The following TAS2R1 variants were observed in gnomAD, a reference collection of about 807,000 sequenced individuals.
The protein encoded by TAS2R1 is taste receptor type 2 member 1.
For missense variants in TAS2R1, 370 were observed against 353.4 expected (o/e 1.05, Z -0.38); for synonymous variants, 141 against 134.2 (o/e 1.05, Z -0.35).
chr5:9,643,407 A>G (rs1740124713), intron 2 of TAS2R1, among the ~76,000 whole-genome samples: 1 of 152,206 alleles, frequency 6.6e-6, no homozygotes, highest in Non-Finnish European at 1.5e-5. Flanking sequence ...TACAGTAAAA[A>G]TAGGGTACAA....
At chr5:9,829,927 C>T in the TAS2R1 span, among the ~76,000 whole-genome samples, 13 of 152,184 alleles carry the variant, frequency 8.5e-5, no homozygotes, top group African/African-American at 2.9e-4. Flanking sequence ...AGAGATACTG[C>T]CTAGTCATTC....
the TAS2R1 span, among the ~76,000 whole-genome samples, chr5:9,833,479 T>G: frequency 5.3e-5 from 8 of 152,166 alleles, no homozygotes; most frequent in African/African-American, 1.9e-4. Context: ...AAAGACAAAG[T>G]TAAGGCAAAA....
At chr5:9,886,737 G>A in the TAS2R1 span, among the ~76,000 whole-genome samples, 5 of 152,076 alleles carry the variant, frequency 3.3e-5, no homozygotes, top group South Asian at 1.0e-3. Flanking sequence ...AAAGTGGTGG[G>A]AGGAGAGTGA....
the TAS2R1 span, among the ~76,000 whole-genome samples, chr5:9,764,417 C>G: frequency 6.6e-6 from 1 of 152,156 alleles, no homozygotes; most frequent in Non-Finnish European, 1.5e-5. Flanking sequence ...TAATTTCTGG[C>G]TAGCATTTTC....
At chr5:9,850,925 G>A in the TAS2R1 span, among the ~76,000 whole-genome samples, 19 of 152,222 alleles carry the variant, frequency 1.2e-4, no homozygotes, top group African/African-American at 4.6e-4. Flanking sequence ...GTGGGAGGGG[G>A]AGAATGAGAA....
chr5:9,806,795 C>A, the TAS2R1 span, among the ~76,000 whole-genome samples: 2 of 152,112 alleles, frequency 1.3e-5, no homozygotes, highest in Admixed American at 1.3e-4. Flanking sequence ...CCATAACTTT[C>A]ATTTGAGAAG....
At chr5:9,712,188 G>A (rs1734695488) in exon 1 of TAS2R1, 2 of 152,144 alleles carry the variant, frequency 1.3e-5, no homozygotes, top group Non-Finnish European at 2.9e-5. Flanking sequence ...GGTCCCTTTA[G>A]GCATCAGTGT....
the TAS2R1 span, among the ~76,000 whole-genome samples, chr5:9,742,533 A>G: frequency 6.6e-6 from 1 of 152,326 alleles, no homozygotes; most frequent in East Asian, 1.9e-4. Flanking sequence ...AAAGGACAAA[A>G]TATCTTTGAA....
the TAS2R1 span, among the ~76,000 whole-genome samples, chr5:9,762,623 T>G: frequency 6.6e-6 from 1 of 152,208 alleles, no homozygotes; most frequent in Non-Finnish European, 1.5e-5. Context: ...TCTGCAATGA[T>G]CTGAATCTTT....
intron 1 of TAS2R1, among the ~76,000 whole-genome samples, chr5:9,706,626 A>T (rs1741618059): frequency 1.3e-5 from 2 of 152,374 alleles, no homozygotes; most frequent in South Asian, 4.1e-4. Flanking sequence ...AAAGAAGTTG[A>T]GTTGTACAGA....
At chr5:9,788,043 C>A in the TAS2R1 span, among the ~76,000 whole-genome samples, 1 of 152,170 alleles carries the variant, frequency 6.6e-6, no homozygotes, top group East Asian at 1.9e-4. Flanking sequence ...AACAGCCGCA[C>A]AAAGTGAGGT....
In TAS2R1 at chr5:9,630,064, T is replaced by C. The variant is rs143019194; in HGVS notation, c.-32A>G. ...AATAAAAAATTATTTACTTAAAAAA[T>C]AATGAAGTTATAAAGTTTTGGACAG... is the stretch of plus-strand genomic sequence containing the variant. On this transcript the variant is annotated 5_prime_UTR_variant, in exon 1 of 1. Coordinates refer to ENST00000382492, the MANE Select transcript of TAS2R1 (RefSeq NM_019599.3). 2,007 of 1,500,034 alleles carry C rather than the reference T, an allele frequency of 1.3e-3. 32 individuals are homozygous for C. In the African/African-American group the frequency reaches 0.026, roughly 20 times the overall value. The allele number at this position is 1,500,034 out of a possible 1,614,324, so 92.9% of individuals were successfully genotyped here.
the TAS2R1 span, among the ~76,000 whole-genome samples, chr5:9,794,261 G>C: frequency 2.0e-5 from 3 of 152,164 alleles, no homozygotes; most frequent in African/African-American, 7.2e-5. Flanking sequence ...AGTTTGCAAA[G>C]AGTCTTTGAA....
chr5:9,701,723 A>G lies in TAS2R1; in HGVS notation c.-242+10449T>C, dbSNP rs570224101. ...TATTGAACAATTTTCTCCAGTTCTT[A>G]TCATAACAGTTTTTCACATGTTCTA... On this transcript the variant is annotated intron_variant, in intron 1 of 2. Coordinates refer to the TAS2R1 transcript ENST00000506620. Among the ~76,000 whole-genome samples, 6 of 152,356 alleles carry G rather than the reference A, an allele frequency of 3.9e-5. No homozygotes were observed. The South Asian group carries it at 6.2e-4, about 16-fold the overall frequency.
At chr5:9,652,552 A>G (rs1234266008) in intron 2 of TAS2R1, among the ~76,000 whole-genome samples, 3 of 152,270 alleles carry the variant, frequency 2.0e-5, no homozygotes, top group African/African-American at 4.8e-5. Context: ...GAATAATGGG[A>G]TGGAGATTTA....
At chr5:9,804,806 A>C in the TAS2R1 span, among the ~76,000 whole-genome samples, 1 of 152,122 alleles carries the variant, frequency 6.6e-6, no homozygotes, top group African/African-American at 2.4e-5. Context: ...AAGCACAAAT[A>C]GACAATCTAA....
At chr5:9,690,825 C>T (rs1741234297) in intron 1 of TAS2R1, among the ~76,000 whole-genome samples, 2 of 152,112 alleles carry the variant, frequency 1.3e-5, no homozygotes, top group Non-Finnish European at 2.9e-5. Flanking sequence ...CTGAGCAAGG[C>T]ATCCTTTACC....
chr5:9,872,380 G>A, the TAS2R1 span, among the ~76,000 whole-genome samples: 1 of 152,146 alleles, frequency 6.6e-6, no homozygotes, highest in Non-Finnish European at 1.5e-5. Context: ...TGTAGCCACA[G>A]CTTCTAATTT....
chr5:9,709,265 C>G (rs1741684560), intron 1 of TAS2R1, among the ~76,000 whole-genome samples: 1 of 151,652 alleles, frequency 6.6e-6, no homozygotes, highest in Admixed American at 6.6e-5. Context: ...AGAAGTGGGT[C>G]ATTGTTTCAA....
Sources: gnomAD v4.1 joint callset for allele counts (sites outside exome capture counted in the v4.1 genomes callset) on GRCh38, gnomAD v4.1.1 for gene constraint, MANE v1.5 for transcripts, NCBI Gene and HGNC (gene_info 2026-07-23, HGNC 2026-07-21) for gene names.